Variants in BPIFB2 observed in about 807,000 individuals in gnomAD.
BPIFB2 encodes BPI fold-containing family B member 2.
Under a neutral mutation model 50.1 loss-of-function variants are expected in BPIFB2, and 39 were observed. The ratio of observed to expected loss-of-function variants is 0.78; its 90% CI spans 0.60 to 1.02. The LOEUF is 1.02. Among genes scored for constraint, BPIFB2 ranks in the 50% least tolerant of loss-of-function variants. BPIFB2 has a pLI of 0.00. For missense variants in BPIFB2, 574 were observed against 585.8 expected (o/e 0.98, Z 0.21); for synonymous variants, 280 against 256.3 (o/e 1.09, Z -0.88).
intron 11 of BPIFB2, 59 bp from the exon 12 acceptor site, chr20:33,020,269 T>A: frequency 6.6e-7 from 1 of 1,522,774 alleles, no homozygotes; most frequent in Non-Finnish European, 9.1e-7. Flanking sequence ...GGAGGCTGGG[T>A]GGCTGGTGCC....
chr20:33,016,503 G>A (rs1978436404), intron 6 of BPIFB2, among the ~76,000 whole-genome samples: 1 of 152,168 alleles, frequency 6.6e-6, no homozygotes, highest in African/African-American at 2.4e-5. Context: ...AAGGCTGCGA[G>A]TGCCCCTGGC....
chr20:33,013,734 T>C (rs1990319273), intron 4 of BPIFB2, 76 bp from the exon 5 acceptor site: 1 of 1,529,666 alleles, frequency 6.5e-7, no homozygotes, highest in East Asian at 2.3e-5. Context: ...GGCTGGGGAA[T>C]TTGTAAGATC....
chr20:33,019,541 G>A lies in BPIFB2; in HGVS notation c.910-39G>A, dbSNP rs375697860. Reference sequence around the variant, plus strand: ...TGACTGACCAGAGAGCCCGCCAGCCGCTGCCTCAGCAGGGCCTCCTCCGCC... The same window carrying A: ...TGACTGACCAGAGAGCCCGCCAGCCACTGCCTCAGCAGGGCCTCCTCCGCC... On this transcript the variant is annotated intron_variant, in intron 10 of 15. Coordinates refer to ENST00000170150, the MANE Select transcript of BPIFB2 (RefSeq NM_025227.3). The A allele has an allele frequency of 7.4e-5, 114 of 1,537,330 alleles. 1 individual carries two copies. The African/African-American group carries it at 1.0e-3, about 14-fold the overall frequency.
At position 33,015,487 on chromosome 20, in the gene BPIFB2, G is replaced by T; in HGVS notation, c.507G>T (p.Leu169Phe). 1.2e-6 allele frequency: 2 copies of T among 1,612,708 alleles called. No homozygotes were observed. Among genetic ancestry groups the T allele is most frequent in the Non-Finnish European group, 1.7e-6 (2 of 1,179,036 alleles). The change falls in exon 6 of 16, where the codon TTG becomes TTT. Residue 169 changes from leucine (L) to phenylalanine (F), a missense_variant. By Grantham distance (22) the Leu-to-Phe change is conservative. Transcript: ENST00000170150. The part of the protein sequence containing the change: ...VLVQKHIKAV[L>F]SNKLCLSISN... The stretch of plus-strand genomic sequence containing the variant: ...TGCAGAAGCACATTAAAGCTGTCTT[G>T]AGTAACAAGGTAAAGGGCTTGCAGA...
intron 1 of BPIFB2, among the ~76,000 whole-genome samples, 155 bp from the exon 2 acceptor site, chr20:33,008,386 T>C (rs1006276506): frequency 2.6e-5 from 4 of 152,106 alleles, no homozygotes; most frequent in Admixed American, 2.0e-4. Context: ...AAGGTGATGG[T>C]TCCCAATGCA....
Position 33,019,583 on chromosome 20 carries a change from G to A in BPIFB2, c.913G>A (p.Ala305Thr). ...TCCTCCGCCTCTGCCTCCCCAGGTG[G>A]CCCGCCAGTTTCCCGAGCCCATGCC... ...SALGRLIPEV[A>T]RQFPEPMPVV... Residue 305 changes from alanine (A) to threonine (T), a missense_variant, in exon 11 of 16, where the codon GCC (alanine) becomes ACC (threonine). Transcript: ENST00000170150. 6.3e-7 allele frequency: 1 copy of A among 1,581,600 alleles called. No homozygotes were observed. Among genetic ancestry groups the A allele is most frequent in the East Asian group, 2.3e-5 (1 of 44,122 alleles).
intron 6 of BPIFB2, among the ~76,000 whole-genome samples, chr20:33,016,178 C>G (rs754453365): frequency 1.3e-5 from 2 of 152,022 alleles, no homozygotes; most frequent in African/African-American, 4.8e-5. Flanking sequence ...GTAGTAGAGA[C>G]GAAGTCAACC....
At chr20:33,023,314 C>A (rs1271641590) in intron 15 of BPIFB2, 28 bp from the exon 16 acceptor site, 16 of 1,611,698 alleles carry the variant, frequency 9.9e-6, no homozygotes, top group African/African-American at 1.3e-5. Flanking sequence ...CTCCTCTGAC[C>A]TGGTCCATGG....
Position 33,019,095 on chromosome 20 carries a change from C to G in BPIFB2, c.889C>G (p.Leu297Val). ...TGACAACCTGCTGAACACCTCTGCT[C>G]TGGGCCGGCTCATCCCGGAGGTCGG... ...SDDNLLNTSA[L>V]GRLIPEVARQ... Residue 297 changes from leucine to valine, a missense_variant, in exon 10 of 16, where the codon CTG becomes GTG. Physicochemically the swap from Leu to Val is conservative, Grantham distance 32. Transcript: ENST00000170150. 1.9e-6 allele frequency: 3 copies of G among 1,614,166 alleles called. No homozygotes were observed. The African/African-American group carries it at 4.0e-5, about 22-fold the overall frequency.
intron 6 of BPIFB2, among the ~76,000 whole-genome samples, chr20:33,015,826 C>G (rs988037395): frequency 1.3e-5 from 2 of 151,946 alleles, no homozygotes; most frequent in Admixed American, 6.6e-5. Flanking sequence ...CGAGAGTGAA[C>G]GAGGGTGTGG....
At chr20:33,019,156 G>A in intron 10 of BPIFB2, 41 bp downstream of exon 10, 1 of 1,611,786 alleles carries the variant, frequency 6.2e-7, no homozygotes, top group Non-Finnish European at 8.5e-7. Flanking sequence ...TGAGACAAGG[G>A]ACTGGGGTGG....
At position 33,019,602 on chromosome 20, in the gene BPIFB2, C is replaced by A; in HGVS notation, c.932C>A (p.Pro311His). 1 of 1,598,170 alleles carries A rather than the reference C, an allele frequency of 6.3e-7. No individual in the cohort carries two copies. The highest frequency in any genetic ancestry group is 1.3e-5 in the African/African-American group (1 of 74,704). The change falls in exon 11 of 16, where the codon CCC becomes CAC. Residue 311 changes from proline to histidine, a missense_variant. Physicochemically the swap from Pro to His is moderately conservative, Grantham distance 77. Coordinates refer to ENST00000170150, the MANE Select transcript of BPIFB2 (RefSeq NM_025227.3). ...IPEVARQFPE[P>H]MPVVLKVRLG... ...CAGGTGGCCCGCCAGTTTCCCGAGC[C>A]CATGCCTGTGGTGCTCAAGGTGCGG...
At chr20:33,010,855 A>C (rs1246390725) in intron 2 of BPIFB2, among the ~76,000 whole-genome samples, 169 bp from the exon 3 acceptor site, 1 of 151,984 alleles carries the variant, frequency 6.6e-6, no homozygotes. Context: ...GGTGCACCCA[A>C]GGTGGGCTCA....
chr20:33,016,624 A>G (rs574776541), intron 6 of BPIFB2, among the ~76,000 whole-genome samples: 2 of 152,172 alleles, frequency 1.3e-5, no homozygotes, highest in South Asian at 2.1e-4. Flanking sequence ...CTGGCCTGGC[A>G]TCTGAAGCTT....
intron 7 of BPIFB2, 100 bp downstream of exon 7, chr20:33,017,202 A>G: frequency 9.0e-7 from 1 of 1,112,262 alleles, no homozygotes; most frequent in Non-Finnish European, 1.3e-6. Context: ...GTCGACCTCT[A>G]GGAGAGTCAG....
intron 13 of BPIFB2, 60 bp from the exon 14 acceptor site, chr20:33,021,221 G>C: frequency 6.4e-7 from 1 of 1,557,446 alleles, no homozygotes. Flanking sequence ...GTGCCTGACT[G>C]TCCATCTCTC....
At chr20:33,015,367 C>A in intron 5 of BPIFB2, 69 bp from the exon 6 acceptor site, 3 of 1,422,612 alleles carry the variant, frequency 2.1e-6, no homozygotes, top group South Asian at 1.2e-5. Context: ...CCCAGACGTG[C>A]GACTGTGCTG....
At chr20:33,019,982 A>C (rs1334132274) in intron 11 of BPIFB2, among the ~76,000 whole-genome samples, 2 of 152,042 alleles carry the variant, frequency 1.3e-5, no homozygotes, top group Non-Finnish European at 2.9e-5. Context: ...CCTCAGCTTA[A>C]ATGTTGCAGC....
Position 33,009,400 on chromosome 20 carries a change from G to A in BPIFB2, c.109+717G>A, listed in dbSNP as rs73907344. On this transcript the variant is annotated intron_variant, in intron 2 of 15. Transcript: ENST00000170150. The surrounding 1 kb of genome is among the most constrained non-coding windows in gnomAD (Gnocchi z 4.2). ...CAGCACAAACATGTTTATTCACCTC[G>A]AGTTGCCTCCCGGTGAGAATTTGGT... is the stretch of plus-strand genomic sequence containing the variant. Among the ~76,000 whole-genome samples the A allele has an allele frequency of 8.4e-3, 1,276 of 152,260 alleles. 23 individuals are homozygous for A. The highest frequency in any genetic ancestry group is 0.029 in the African/African-American group (1,224 of 41,530).
Sources: allele counts gnomAD v4.1 joint callset (sites outside exome capture counted in the v4.1 genomes callset), GRCh38; gene constraint gnomAD v4.1.1; non-coding constraint Gnocchi (gnomAD v3.1); transcripts MANE v1.5; gene names NCBI Gene and HGNC (gene_info 2026-07-23, HGNC 2026-07-21).